Variants in DGKD observed in about 807,000 individuals in gnomAD.
DGKD encodes the protein diacylglycerol kinase delta.
Under a neutral mutation model 154.4 loss-of-function variants are expected in DGKD, and 68 were observed. The ratio of observed to expected loss-of-function variants is 0.44; its 90% CI spans 0.36 to 0.54. The LOEUF is 0.54. Among genes scored for constraint, DGKD ranks in the 20% least tolerant of loss-of-function variants. The pLI, the probability that DGKD is intolerant of heterozygous loss-of-function variation, is 0.00. For missense variants in DGKD, 1,343 were observed against 1,593.6 expected (o/e 0.84, Z 2.68); for synonymous variants, 693 against 638.0 (o/e 1.09, Z -1.30).
intron 3 of DGKD, among the ~76,000 whole-genome samples, chr2:233,414,988 G>A (rs1216417938): frequency 6.6e-6 from 1 of 152,160 alleles, no homozygotes; most frequent in Admixed American, 6.5e-5. Context: ...ACGGGGTCTT[G>A]CTGTGTTGCC....
intron 3 of DGKD, among the ~76,000 whole-genome samples, chr2:233,430,501 A>G (rs1029588117): frequency 1.3e-5 from 2 of 152,190 alleles, no homozygotes; most frequent in African/African-American, 4.8e-5. Context: ...AAAAGGGACA[A>G]TGTGATATAC....
intron 10 of DGKD, among the ~76,000 whole-genome samples, chr2:233,442,825 C>T (rs375661733): frequency 1.3e-5 from 2 of 152,222 alleles, no homozygotes; most frequent in East Asian, 1.9e-4. Flanking sequence ...AGGATGGTCT[C>T]GATCTCTTGA....
chr2:233,449,241 G>A lies in DGKD; in HGVS notation c.1753G>A (p.Gly585Ser), dbSNP rs762916992. 5.6e-6 allele frequency: 9 copies of A among 1,613,730 alleles called. No homozygotes were observed. The East Asian group carries it at 6.7e-5, about 12-fold the overall frequency. ...EDGDGSGSIC[G>S]STGDRLVASA... is the part of the protein sequence containing the mutation. ...TGGAGATGGGTCGGGCAGCATCTGC[G>A]GTTCCACCGGAGACCGCTTGGTGGC... is the stretch of plus-strand genomic sequence containing the variant. The change falls in exon 15 of 30, where the codon GGT becomes AGT. Residue 585 changes from glycine (G) to serine (S), a missense_variant. Gly to Ser is a moderately conservative substitution (Grantham distance 56). This residue lies in a region of DGKD where 409 missense variants were observed against 446.0 expected (regional missense o/e 0.92). Transcript: ENST00000264057. This position sits in a 1 kb window ranked among gnomAD's most constrained non-coding sequence, Gnocchi z 5.3.
chr2:233,374,238 A>T (rs373771613), intron 1 of DGKD, among the ~76,000 whole-genome samples: 2 of 152,226 alleles, frequency 1.3e-5, no homozygotes, highest in East Asian at 1.9e-4. Flanking sequence ...TTCAGCAGAG[A>T]CAGGGTTTCA....
intron 3 of DGKD, among the ~76,000 whole-genome samples, chr2:233,432,654 G>A (rs13392183): frequency 0.085 from 12,943 of 152,074 alleles, 626 homozygotes; most frequent in African/African-American, 0.13. Flanking sequence ...GTGAGGCTCC[G>A]TCTCAAAAAA....
chr2:233,365,520 C>T (rs936201075), intron 1 of DGKD, among the ~76,000 whole-genome samples: 1 of 152,144 alleles, frequency 6.6e-6, no homozygotes, highest in African/African-American at 2.4e-5. Context: ...GCTGGGATTA[C>T]AGGCGTGAGC....
At chr2:233,389,713 G>A (rs780660480) in intron 2 of DGKD, among the ~76,000 whole-genome samples, 8 of 152,148 alleles carry the variant, frequency 5.3e-5, no homozygotes, top group African/African-American at 1.7e-4. Flanking sequence ...TAGAGCCATC[G>A]TAGAATAGAG....
intron 3 of DGKD, among the ~76,000 whole-genome samples, chr2:233,432,475 C>T (rs570803393): frequency 8.0e-4 from 119 of 149,502 alleles, no homozygotes; most frequent in East Asian, 2.7e-3. Context: ...CTGGCTAACA[C>T]AGTGAAACCT....
intron 3 of DGKD, among the ~76,000 whole-genome samples, chr2:233,419,729 C>A (rs897723833): frequency 1.3e-5 from 2 of 152,114 alleles, no homozygotes; most frequent in Non-Finnish European, 2.9e-5. Flanking sequence ...GGAAAATTTC[C>A]CTCCAGTCCC....
At chr2:233,415,498 C>A (rs2061939008) in intron 3 of DGKD, among the ~76,000 whole-genome samples, 1 of 152,132 alleles carries the variant, frequency 6.6e-6, no homozygotes, top group South Asian at 2.1e-4. Context: ...TGCCAGAGGC[C>A]ATTGGGATAG....
chr2:233,384,435 T>C (rs1275127436), intron 1 of DGKD, among the ~76,000 whole-genome samples: 1 of 152,154 alleles, frequency 6.6e-6, no homozygotes, highest in East Asian at 1.9e-4. Context: ...TTTGGGGCCC[T>C]TGGCAAGGCA....
chr2:233,400,175 C>G (rs1189391908), intron 3 of DGKD, among the ~76,000 whole-genome samples: 1 of 152,188 alleles, frequency 6.6e-6, no homozygotes, highest in Admixed American at 6.5e-5. Flanking sequence ...GAGTCTGTGT[C>G]CCTTGTGAAG....
chr2:233,408,291 C>T (rs998630003), intron 3 of DGKD, among the ~76,000 whole-genome samples: 1 of 152,244 alleles, frequency 6.6e-6, no homozygotes, highest in Non-Finnish European at 1.5e-5. Context: ...ATCCACCCAT[C>T]TCGGCCTCAT....
chr2:233,469,493 CCCG>C lies in DGKD; in HGVS notation c.*40_*42del. 6.4e-7 allele frequency: 1 copy of C among 1,551,372 alleles called. No individual in the cohort carries two copies. Among genetic ancestry groups the C allele is most frequent in the Non-Finnish European group, 8.7e-7 (1 of 1,143,822 alleles). On this transcript the variant is annotated 3_prime_UTR_variant, in exon 30 of 30. Transcript: ENST00000264057. ...CCTCTCAGCCTGTGGCCTCCACATC[CCCG>C]CCGCCGAGGCCTAGCCTCCGCCCTC... is the stretch of plus-strand genomic sequence containing the variant.
chr2:233,445,544 G>C lies in DGKD; in HGVS notation c.1195-79G>C. On this transcript the variant is annotated intron_variant, in intron 10 of 29. Coordinates refer to ENST00000264057, the MANE Select transcript of DGKD (RefSeq NM_152879.3). The surrounding 1 kb of genome is among the most constrained non-coding windows in gnomAD (Gnocchi z 5.5). ...TTGCTAACGTAACCCTCACGGTGGG[G>C]GACAAGGAGGGCTGCGGGCTGGGAA... 1 of 1,510,878 alleles carries C rather than the reference G, an allele frequency of 6.6e-7. No homozygotes were observed. Among genetic ancestry groups the C allele is most frequent in the Admixed American group, 2.1e-5 (1 of 46,848 alleles). The allele number at this position is 1,510,878 out of a possible 1,614,324, so 93.6% of individuals were successfully genotyped here. A position where few individuals can be genotyped will look rare whatever the true frequency, so the allele number is the denominator to read the frequency against.
At chr2:233,431,788 A>G (rs1403510785) in intron 3 of DGKD, among the ~76,000 whole-genome samples, 2 of 152,244 alleles carry the variant, frequency 1.3e-5, no homozygotes, top group Admixed American at 1.3e-4. Flanking sequence ...GAATGAAACT[A>G]GACTCCCATT....
intron 3 of DGKD, among the ~76,000 whole-genome samples, chr2:233,419,058 C>A (rs543886312): frequency 4.6e-5 from 7 of 152,102 alleles, no homozygotes; most frequent in Non-Finnish European, 1.0e-4. Context: ...GAATTGTGTA[C>A]GGGGAATCCA....
At chr2:233,409,786 C>A (rs929567225) in intron 3 of DGKD, among the ~76,000 whole-genome samples, 3 of 118,634 alleles carry the variant, frequency 2.5e-5, no homozygotes, top group Admixed American at 1.0e-4. Flanking sequence ...CCCCCCATAC[C>A]GTTTTTTTTT....
chr2:233,382,604 C>T (rs1316506606), intron 1 of DGKD, among the ~76,000 whole-genome samples: 1 of 152,162 alleles, frequency 6.6e-6, no homozygotes, highest in Non-Finnish European at 1.5e-5. Context: ...CTGGACACGA[C>T]TCTTGGTCAG....
Sources: allele counts gnomAD v4.1 joint callset (sites outside exome capture counted in the v4.1 genomes callset), GRCh38; gene constraint gnomAD v4.1.1; regional missense constraint gnomAD v4.1.1; non-coding constraint Gnocchi (gnomAD v3.1); transcripts MANE v1.5; gene names NCBI Gene and HGNC (gene_info 2026-07-23, HGNC 2026-07-21).